Variants in ANXA13 observed in about 807,000 individuals in gnomAD.
ANXA13 encodes annexin XIII.
A neutral mutation model predicts 46.6 loss-of-function variants in ANXA13; 36 were observed. The ratio of observed to expected loss-of-function variants is 0.77; its 90% CI spans 0.59 to 1.02. The LOEUF is 1.02. ANXA13 is among the 50% of genes least tolerant of loss of function. ANXA13 has a pLI of 0.00. For missense variants in ANXA13, 417 were observed against 396.5 expected, an observed-to-expected ratio of 1.05 and a Z score of -0.44; for synonymous variants, 163 against 152.9, an observed-to-expected ratio of 1.07 and a Z score of -0.49.
intron 1 of ANXA13, among the ~76,000 whole-genome samples, chr8:123,713,241 T>C (rs1278199667): frequency 6.6e-6 from 1 of 152,186 alleles, no homozygotes; most frequent in African/African-American, 2.4e-5. Flanking sequence ...ATTTGGTTTG[T>C]TGGAGATACT....
chr8:123,715,078 C>T (rs1813736475), intron 1 of ANXA13, among the ~76,000 whole-genome samples: 1 of 152,192 alleles, frequency 6.6e-6, no homozygotes, highest in African/African-American at 2.4e-5. Flanking sequence ...TTTTCCTTAT[C>T]CAAATCTTTT....
intron 3 of ANXA13, among the ~76,000 whole-genome samples, chr8:123,698,878 T>C (rs1412095709): frequency 2.6e-5 from 4 of 152,120 alleles, no homozygotes; most frequent in African/African-American, 7.2e-5. Context: ...GCTGAAAAAA[T>C]CCTCAAGATC....
intron 1 of ANXA13, among the ~76,000 whole-genome samples, chr8:123,722,522 T>A (rs1813903481): frequency 6.6e-6 from 1 of 152,232 alleles, no homozygotes; most frequent in Admixed American, 6.5e-5. Context: ...ATATTCTCGA[T>A]GATGAGAAAA....
At chr8:123,707,309 C>T (rs1170041120) in intron 2 of ANXA13, among the ~76,000 whole-genome samples, 2 of 152,040 alleles carry the variant, frequency 1.3e-5, no homozygotes, top group Non-Finnish European at 2.9e-5. Flanking sequence ...GTAGCAAGGA[C>T]CAATAGAAAT....
intron 1 of ANXA13, among the ~76,000 whole-genome samples, chr8:123,723,257 G>C (rs928344296): frequency 8.5e-5 from 13 of 152,234 alleles, no homozygotes; most frequent in African/African-American, 3.1e-4. Flanking sequence ...GAGGACCAAA[G>C]AAACTTGAGA....
intron 2 of ANXA13, among the ~76,000 whole-genome samples, chr8:123,704,080 G>A (rs1813496496): frequency 6.6e-6 from 1 of 152,184 alleles, no homozygotes; most frequent in Non-Finnish European, 1.5e-5. Context: ...GAGAATCCAA[G>A]TGTGGGTCCA....
chr8:123,684,828 T>C, intron 9 of ANXA13, 106 bp from the exon 10 acceptor site: 1 of 779,500 alleles, frequency 1.3e-6, no homozygotes, highest in Admixed American at 2.0e-5. Flanking sequence ...GACTGGATGG[T>C]GAGACAGAGG....
chr8:123,695,415 T>C, intron 6 of ANXA13, 87 bp downstream of exon 6: 1 of 972,708 alleles, frequency 1.0e-6, no homozygotes, highest in East Asian at 2.4e-5. Context: ...GAAATGTTTA[T>C]CTACGTTACC....
At chr8:123,730,543 C>G (rs1193990464) in intron 1 of ANXA13, among the ~76,000 whole-genome samples, 4 of 152,160 alleles carry the variant, frequency 2.6e-5, no homozygotes, top group African/African-American at 9.7e-5. Context: ...CACCCCCTCA[C>G]CCAACTCATG....
intron 1 of ANXA13, among the ~76,000 whole-genome samples, chr8:123,730,403 G>T (rs916738528): frequency 2.0e-5 from 3 of 152,078 alleles, no homozygotes; most frequent in Non-Finnish European, 4.4e-5. Context: ...AACATTCTGG[G>T]GGTTGGACCC....
intron 1 of ANXA13, among the ~76,000 whole-genome samples, chr8:123,713,699 T>A (rs1173968098): frequency 6.6e-6 from 1 of 152,188 alleles, no homozygotes; most frequent in Non-Finnish European, 1.5e-5. Context: ...CCATATATTT[T>A]CTTTTCTTTT....
chr8:123,681,196 G>C lies in ANXA13; in HGVS notation c.*44C>G. On this transcript the variant is annotated 3_prime_UTR_variant, in exon 11 of 11. Coordinates refer to ENST00000419625, the MANE Select transcript of ANXA13 (RefSeq NM_004306.4). ...CAAGTTTGATTTGGAATGTGCTCTT[G>C]ACAAAGGCGGTTCCACCCTGTGTTC... The C allele has an allele frequency of 6.4e-7, 1 of 1,557,318 alleles. No homozygotes were observed. Among genetic ancestry groups the C allele is most frequent in the Non-Finnish European group, 8.7e-7 (1 of 1,150,420 alleles).
intron 6 of ANXA13, among the ~76,000 whole-genome samples, chr8:123,695,030 G>A (rs1464429229): frequency 6.6e-6 from 1 of 152,082 alleles, no homozygotes; most frequent in East Asian, 1.9e-4. Flanking sequence ...TGAAAGCCCT[G>A]ATGTCCTGGC....
chr8:123,731,697 AC>A (rs907560510), intron 1 of ANXA13, among the ~76,000 whole-genome samples: 1 of 151,374 alleles, frequency 6.6e-6, no homozygotes, highest in African/African-American at 2.4e-5. Flanking sequence ...ACATAGGAAG[AC>A]CCCCCATCTC....
chr8:123,732,163 T>A (rs1814130889), intron 1 of ANXA13, among the ~76,000 whole-genome samples: 1 of 152,210 alleles, frequency 6.6e-6, no homozygotes, highest in Admixed American at 6.5e-5. Context: ...AAATCTGTGC[T>A]TGACCTCTTA....
At chr8:123,709,463 C>T (rs777017027) in intron 2 of ANXA13, among the ~76,000 whole-genome samples, 25 of 151,732 alleles carry the variant, frequency 1.6e-4, no homozygotes, top group Admixed American at 1.3e-4. Flanking sequence ...CTCTGTCTTC[C>T]TCCCCCCATT....
At chr8:123,728,602 G>A (rs2129942004) in intron 1 of ANXA13, 1 of 152,292 alleles carries the variant, frequency 6.6e-6, no homozygotes, top group East Asian at 1.9e-4. Context: ...GAGAATATTG[G>A]GGGCTGAGCG....
chr8:123,720,390 C>T (rs117783543), intron 1 of ANXA13, among the ~76,000 whole-genome samples: 1 of 152,192 alleles, frequency 6.6e-6, no homozygotes, highest in Non-Finnish European at 1.5e-5. Context: ...TGATTCTCCT[C>T]GGTTTAGGCT....
At chr8:123,728,112 T>C (rs894996734) in intron 1 of ANXA13, 34 of 152,206 alleles carry the variant, frequency 2.2e-4, no homozygotes, top group Admixed American at 1.6e-3. Flanking sequence ...TGTTGACTCA[T>C]TCTTAGGGGC....
Sources: allele counts gnomAD v4.1 joint callset (sites outside exome capture counted in the v4.1 genomes callset), GRCh38; gene constraint gnomAD v4.1.1; transcripts MANE v1.5; gene names NCBI Gene and HGNC (gene_info 2026-07-23, HGNC 2026-07-21).